Variants in CACNA2D1 observed in about 807,000 individuals in gnomAD.
The protein encoded by CACNA2D1 is calcium voltage-gated channel auxiliary subunit alpha2delta 1, also known as voltage-dependent calcium channel subunit alpha-2/delta-1.
In CACNA2D1, 53 loss-of-function variants were observed where a neutral mutation model predicts 171.5. The observed-to-expected ratio is 0.31, with a 90% confidence interval of 0.25 to 0.39. The LOEUF is 0.39. Ranked by LOEUF, CACNA2D1 falls within the 10% of genes least tolerant of loss-of-function variation. The pLI is 1.00. For synonymous variants in CACNA2D1, 442 were observed against 443.1 expected (o/e 1.00, Z 0.03); for missense variants, 903 against 1,299.8 (o/e 0.69, Z 4.69).
chr7:82,262,616 C>T (rs962672911), intron 3 of CACNA2D1, among the ~76,000 whole-genome samples: 1 of 152,068 alleles, frequency 6.6e-6, no homozygotes, highest in Admixed American at 6.5e-5. Flanking sequence ...AAGTATGATG[C>T]CTTGGCATGC....
chr7:82,096,100 T>C (rs543019653), intron 6 of CACNA2D1, among the ~76,000 whole-genome samples: 16 of 152,342 alleles, frequency 1.1e-4, no homozygotes, highest in African/African-American at 3.8e-4. Flanking sequence ...ACCTATTATG[T>C]GTCTGGAACC....
chr7:82,048,151 T>A (rs770903538), intron 10 of CACNA2D1, among the ~76,000 whole-genome samples: 4 of 115,592 alleles, frequency 3.5e-5, no homozygotes, highest in African/African-American at 8.8e-5. Flanking sequence ...CAGAAACAGC[T>A]GATGACAGTT....
intron 38 of CACNA2D1, among the ~76,000 whole-genome samples, chr7:81,955,250 TTATACTACCATTC>T (rs1400957167): frequency 2.0e-5 from 3 of 152,072 alleles, no homozygotes; most frequent in Non-Finnish European, 4.4e-5. Context: ...GCTTTGGAGA[TTATACTACCATTC>T]TACCTTGCTT....
chr7:82,277,833 C>A (rs1485214893), intron 3 of CACNA2D1, among the ~76,000 whole-genome samples: 1 of 148,502 alleles, frequency 6.7e-6, no homozygotes, highest in Non-Finnish European at 1.5e-5. Context: ...GCAACCTCCA[C>A]CTCCTGGGTT....
intron 4 of CACNA2D1, 86 bp from the exon 5 acceptor site, chr7:82,136,762 T>C: frequency 1.1e-6 from 1 of 896,296 alleles, no homozygotes; most frequent in Admixed American, 2.3e-5. Flanking sequence ...TATTATAAAA[T>C]AAACTCCTTG....
chr7:82,120,264 T>C (rs753486925), intron 5 of CACNA2D1, among the ~76,000 whole-genome samples: 12 of 152,306 alleles, frequency 7.9e-5, no homozygotes, highest in Admixed American at 2.6e-4. Context: ...TTCTCCAATA[T>C]GTATGTATGT....
rs78772113 is a variant in CACNA2D1 at position 82,037,881 on chromosome 7, C to T, written c.1038+196G>A. ...AAAATATCAAAAACTTAAAAATCTA[C>T]ATTTTAGATGCCTTTTGAATTTTAA... On this transcript the variant is annotated intron_variant, in intron 11 of 38. Coordinates refer to ENST00000356860, the MANE Select transcript of CACNA2D1 (RefSeq NM_000722.4). 1.6e-3 allele frequency among the ~76,000 whole-genome samples: 242 copies of T among 152,234 alleles called. 8 individuals carry two copies. In the East Asian group the frequency reaches 0.043, roughly 27 times the overall value.
intron 22 of CACNA2D1, 40 bp from the exon 23 acceptor site, chr7:81,983,374 A>G (rs1167003595): frequency 1.9e-6 from 3 of 1,569,252 alleles, no homozygotes; most frequent in Non-Finnish European, 1.7e-6. Context: ...GGGAAACAAA[A>G]AAAAAAGAGG....
At chr7:82,235,818 C>G (rs146950469) in intron 3 of CACNA2D1, among the ~76,000 whole-genome samples, 143 of 152,126 alleles carry the variant, frequency 9.4e-4, no homozygotes, top group Non-Finnish European at 1.8e-3. Flanking sequence ...CTGGACAATA[C>G]AGAAGAGGAC....
At position 82,411,927 on chromosome 7, in the gene CACNA2D1, T is replaced by C. The variant is rs1263804804; in HGVS notation, c.95+31438A>G. Among the ~76,000 whole-genome samples, 6 of 120,688 alleles carry C rather than the reference T, an allele frequency of 5.0e-5. No homozygotes were observed. In the East Asian group the frequency reaches 1.8e-3, roughly 37 times the overall value. The allele number at this position is 120,688 out of a possible 152,430, so 79.2% of individuals were successfully genotyped here. A position where few individuals can be genotyped will look rare whatever the true frequency, so the allele number is the denominator to read the frequency against. ...CACACACACACACACACACACACAC[T>C]CCCCATTATCTGGATTTGCAAATCC... is the stretch of plus-strand genomic sequence containing the variant. On this transcript the variant is annotated intron_variant, in intron 1 of 38. Coordinates refer to ENST00000356860, the MANE Select transcript of CACNA2D1 (RefSeq NM_000722.4).
chr7:82,106,348 T>G (rs1787759727), intron 6 of CACNA2D1, among the ~76,000 whole-genome samples: 1 of 152,114 alleles, frequency 6.6e-6, no homozygotes, highest in Admixed American at 6.6e-5. Context: ...CAGCCTGTTT[T>G]GGAAGCTATT....
chr7:82,011,317 G>T (rs569343005), intron 15 of CACNA2D1, among the ~76,000 whole-genome samples: 1 of 152,182 alleles, frequency 6.6e-6, no homozygotes, highest in South Asian at 2.1e-4. Flanking sequence ...TTAAGAAAGT[G>T]TACAAGTTTA....
chr7:82,349,425 A>T (rs967943847), intron 2 of CACNA2D1, 143 bp downstream of exon 2: 3 of 767,000 alleles, frequency 3.9e-6, no homozygotes, highest in Non-Finnish European at 7.0e-6. Flanking sequence ...AGCAGTACCA[A>T]TGGTTTCTCT....
chr7:82,217,673 C>G (rs1009802894), intron 3 of CACNA2D1, among the ~76,000 whole-genome samples: 3 of 149,224 alleles, frequency 2.0e-5, no homozygotes, highest in Non-Finnish European at 4.4e-5. Flanking sequence ...CAATCTTTAT[C>G]ATCATAATTG....
intron 21 of CACNA2D1, among the ~76,000 whole-genome samples, chr7:81,990,015 G>A (rs1355959697): frequency 6.6e-6 from 1 of 152,110 alleles, no homozygotes; most frequent in Non-Finnish European, 1.5e-5. Context: ...GACTATGAAG[G>A]CATTGCAGAC....
In CACNA2D1 at chr7:82,195,737, G is replaced by T. The variant is rs139642083; in HGVS notation, c.295-25128C>A. Among the ~76,000 whole-genome samples the T allele has an allele frequency of 9.9e-5, 15 of 151,438 alleles. No homozygotes were observed. The East Asian group carries it at 2.9e-3, about 30-fold the overall frequency. ...TTCAACCCTTTCACAGCTTGGCCTG[G>T]CTCACCCTGAGAAGTTCACAGAATA... On this transcript the variant is annotated intron_variant, in intron 3 of 38. Coordinates refer to ENST00000356860, the MANE Select transcript of CACNA2D1 (RefSeq NM_000722.4).
At chr7:82,114,105 G>A (rs1788746938) in intron 6 of CACNA2D1, among the ~76,000 whole-genome samples, 1 of 151,852 alleles carries the variant, frequency 6.6e-6, no homozygotes, top group African/African-American at 2.4e-5. Context: ...ATTTTAAATT[G>A]GAAAGAAAAA....
chr7:81,989,954 G>T (rs1389395652), intron 21 of CACNA2D1, among the ~76,000 whole-genome samples: 1 of 152,194 alleles, frequency 6.6e-6, no homozygotes, highest in African/African-American at 2.4e-5. Context: ...GGAGAAGATG[G>T]AAAGCTAAAA....
At chr7:82,254,486 C>T (rs1806048356) in intron 3 of CACNA2D1, among the ~76,000 whole-genome samples, 1 of 151,968 alleles carries the variant, frequency 6.6e-6, no homozygotes, top group African/African-American at 2.4e-5. Flanking sequence ...ATGATTATGA[C>T]ACTTTAATTA....
Sources: allele counts gnomAD v4.1 joint callset (sites outside exome capture counted in the v4.1 genomes callset), GRCh38; gene constraint gnomAD v4.1.1; transcripts MANE v1.5; gene names NCBI Gene and HGNC (gene_info 2026-07-23, HGNC 2026-07-21).